Variants in RARB observed in about 807,000 individuals in gnomAD.
RARB encodes the protein retinoic acid receptor beta, also known as HBV-activated protein.
Under a neutral mutation model 51.9 loss-of-function variants are expected in RARB, and 17 were observed. That is an observed-to-expected ratio of 0.33 (90% confidence interval 0.22 to 0.49). RARB has a LOEUF of 0.49. Ranked by LOEUF, RARB falls within the 20% of genes least tolerant of loss-of-function variation. The pLI is 0.99. For synonymous variants in RARB, 215 were observed against 195.4 expected, an observed-to-expected ratio of 1.10 and a Z score of -0.84; for missense variants, 369 against 550.8, an observed-to-expected ratio of 0.67 and a Z score of 3.30.
At chr3:24,967,138 C>G (rs920367576) in intron 2 of RARB, among the ~76,000 whole-genome samples, 5 of 152,112 alleles carry the variant, frequency 3.3e-5, no homozygotes, top group Non-Finnish European at 4.4e-5. Flanking sequence ...GATCTGGCAA[C>G]TCTCGGCCCG....
At chr3:25,342,053 C>G (rs1705245303) in intron 5 of RARB, among the ~76,000 whole-genome samples, 1 of 152,168 alleles carries the variant, frequency 6.6e-6, no homozygotes, top group Non-Finnish European at 1.5e-5. Context: ...CAATGCTTGA[C>G]ACATAGTAGA....
intron 4 of RARB, among the ~76,000 whole-genome samples, chr3:25,163,435 G>A (rs946729418): frequency 8.0e-5 from 12 of 150,026 alleles, no homozygotes; most frequent in Admixed American, 8.0e-4. Context: ...AGCCTGGGAG[G>A]GCAAGGCTAC....
At position 24,962,150 on chromosome 3, in the gene RARB, C is replaced by G. The variant is rs138014187; in HGVS notation, c.-379-97975C>G. On this transcript the variant is annotated intron_variant, in intron 2 of 11. Coordinates refer to the RARB transcript ENST00000383772. Reference sequence around the variant, plus strand: ...TTCACCGTGTTAGCCAGGATAGTCTCGATCTCCTGACCTCGTGATCTGCCT... The same window carrying G: ...TTCACCGTGTTAGCCAGGATAGTCTGGATCTCCTGACCTCGTGATCTGCCT... 9.2e-3 allele frequency among the ~76,000 whole-genome samples: 1,400 copies of G among 151,874 alleles called. 13 individuals are homozygous for G. The highest frequency in any genetic ancestry group is 0.033 in the African/African-American group (1,353 of 41,420).
At chr3:24,975,443 T>A (rs1271096356) in intron 2 of RARB, among the ~76,000 whole-genome samples, 1 of 152,112 alleles carries the variant, frequency 6.6e-6, no homozygotes. Flanking sequence ...GAGCTTACAT[T>A]CTAATGAATT....
chr3:25,227,081 G>A (rs957858322), intron 5 of RARB, among the ~76,000 whole-genome samples: 3 of 152,204 alleles, frequency 2.0e-5, no homozygotes, highest in Non-Finnish European at 4.4e-5. Flanking sequence ...CTGTAAAGAT[G>A]TTGCTTAGGA....
intron 2 of RARB, among the ~76,000 whole-genome samples, chr3:25,037,971 T>C (rs932513494): frequency 2.0e-5 from 3 of 152,176 alleles, no homozygotes; most frequent in Non-Finnish European, 2.9e-5. Context: ...TTAAACCCCC[T>C]AGCCATGATA....
At chr3:25,408,038 C>G (rs1707460501) in intron 5 of RARB, among the ~76,000 whole-genome samples, 1 of 152,152 alleles carries the variant, frequency 6.6e-6, no homozygotes, top group South Asian at 2.1e-4. Flanking sequence ...ACTGACCTAT[C>G]ACTTCTTCCT....
chr3:25,198,807 G>T (rs762518909), intron 5 of RARB, among the ~76,000 whole-genome samples: 1 of 152,120 alleles, frequency 6.6e-6, no homozygotes, highest in Non-Finnish European at 1.5e-5. Flanking sequence ...TGGTGAGGAT[G>T]TGGAGAAAAG....
chr3:25,035,006 C>A (rs1276106342), intron 2 of RARB, among the ~76,000 whole-genome samples: 1 of 152,162 alleles, frequency 6.6e-6, no homozygotes, highest in African/African-American at 2.4e-5. Flanking sequence ...ATTTATCATT[C>A]CACATGTGAT....
At chr3:24,862,657 C>A (rs1343657560) in intron 2 of RARB, among the ~76,000 whole-genome samples, 1 of 152,118 alleles carries the variant, frequency 6.6e-6, no homozygotes, top group African/African-American at 2.4e-5. Flanking sequence ...AAAAACATAG[C>A]ATATATAGGG....
intron 2 of RARB, among the ~76,000 whole-genome samples, chr3:24,971,563 C>A (rs571981490): frequency 6.6e-6 from 1 of 151,888 alleles, no homozygotes; most frequent in African/African-American, 2.4e-5. Flanking sequence ...TCTTTAAATG[C>A]CAAAGCTAAG....
chr3:25,593,672 C>T lies in RARB; in HGVS notation c.956C>T (p.Thr319Ile). 1.2e-6 allele frequency: 2 copies of T among 1,614,100 alleles called. No individual in the cohort carries two copies. The highest frequency in any genetic ancestry group is 1.7e-6 in the Non-Finnish European group (2 of 1,179,970). Reference sequence around the variant, plus strand: ...CCTTTGGAAATGGATGACACAGAAACAGGCCTTCTCAGTGCCATCTGCTTA... The same window carrying T: ...CCTTTGGAAATGGATGACACAGAAATAGGCCTTCTCAGTGCCATCTGCTTA... ...LLPLEMDDTE[T>I]GLLSAICLIC... Residue 319 changes from threonine to isoleucine, a missense_variant, in exon 6 of 8, where the codon ACA becomes ATA. Coordinates refer to ENST00000330688, the MANE Select transcript of RARB (RefSeq NM_000965.5).
At chr3:24,916,692 T>C (rs1559395067) in intron 2 of RARB, among the ~76,000 whole-genome samples, 1 of 151,494 alleles carries the variant, frequency 6.6e-6, no homozygotes, top group East Asian at 1.9e-4. Flanking sequence ...TGGTAAAAAG[T>C]ATTGCAGTTT....
At chr3:25,408,514 C>T (rs1707475004) in intron 5 of RARB, among the ~76,000 whole-genome samples, 1 of 152,170 alleles carries the variant, frequency 6.6e-6, no homozygotes, top group African/African-American at 2.4e-5. Context: ...TACCAGGCCC[C>T]TCCTCTAATT....
chr3:25,453,169 C>G (rs1475351029), intron 1 of RARB, among the ~76,000 whole-genome samples: 1 of 150,118 alleles, frequency 6.7e-6, no homozygotes, highest in Non-Finnish European at 1.5e-5. Flanking sequence ...CATCAATGTG[C>G]GTAAAAATGA....
At chr3:25,350,830 T>A (rs541880136) in intron 5 of RARB, among the ~76,000 whole-genome samples, 2 of 152,232 alleles carry the variant, frequency 1.3e-5, no homozygotes, top group Non-Finnish European at 2.9e-5. Flanking sequence ...CTGAGGTTTG[T>A]CTCTCTCTGT....
At chr3:25,275,296 A>T (rs1171311375) in intron 5 of RARB, among the ~76,000 whole-genome samples, 1 of 152,126 alleles carries the variant, frequency 6.6e-6, no homozygotes, top group Admixed American at 6.5e-5. Context: ...CCCTGTCTCT[A>T]CAAAAGATAC....
chr3:25,466,538 C>A (rs1170009069), intron 2 of RARB, among the ~76,000 whole-genome samples: 1 of 152,208 alleles, frequency 6.6e-6, no homozygotes, highest in Non-Finnish European at 1.5e-5. Context: ...GACTTTTGCA[C>A]ACAGTGATGT....
At chr3:25,484,847 A>T (rs1696383731) in intron 2 of RARB, among the ~76,000 whole-genome samples, 1 of 151,912 alleles carries the variant, frequency 6.6e-6, no homozygotes. Context: ...TTTTTTTTTA[A>T]CCTCCATTGT....
Sources: allele counts gnomAD v4.1 joint callset (sites outside exome capture counted in the v4.1 genomes callset), GRCh38; gene constraint gnomAD v4.1.1; transcripts MANE v1.5; gene names NCBI Gene and HGNC (gene_info 2026-07-23, HGNC 2026-07-21).